Variants in GSK3B observed in about 807,000 individuals in gnomAD.
GSK3B encodes the protein glycogen synthase kinase-3 beta.
A neutral mutation model predicts 56.4 loss-of-function variants in GSK3B; 15 were observed. The ratio of observed to expected loss-of-function variants is 0.27; its 90% confidence interval spans 0.18 to 0.41. The LOEUF (loss-of-function observed/expected upper bound fraction) is 0.41. Ranked by LOEUF, GSK3B falls within the 10% of genes least tolerant of loss-of-function variation. The pLI is 1.00. For synonymous variants in GSK3B, 181 were observed against 188.9 expected, an observed-to-expected ratio of 0.96 and a Z score of 0.34; for missense variants, 300 against 513.4, an observed-to-expected ratio of 0.58 and a Z score of 4.02.
chr3:119,843,464 C>T (rs376726578), intron 9 of GSK3B, 111 bp from the exon 10 acceptor site: 20 of 497,118 alleles, frequency 4.0e-5, no homozygotes, highest in Middle Eastern at 5.7e-4. Flanking sequence ...CAGTTTATGC[C>T]GGGCGCAGTG....
At chr3:119,967,834 TTCTCTCTCTCTCTCTC>T (rs202156812) in intron 2 of GSK3B, among the ~76,000 whole-genome samples, 10 of 118,920 alleles carry the variant, frequency 8.4e-5, no homozygotes, top group African/African-American at 2.4e-4. Flanking sequence ...CTCTTTCTCT[TTCTCTCTCTCTCTCTC>T]TCTCTCTCTC....
At chr3:119,906,774 C>T (rs2056686713) in intron 6 of GSK3B, among the ~76,000 whole-genome samples, 1 of 152,046 alleles carries the variant, frequency 6.6e-6, no homozygotes, top group African/African-American at 2.4e-5. Context: ...TGAATCATTG[C>T]TGGACTTTAC....
intron 7 of GSK3B, among the ~76,000 whole-genome samples, chr3:119,876,847 G>C (rs1559818944): frequency 6.6e-6 from 1 of 152,126 alleles, no homozygotes; most frequent in African/African-American, 2.4e-5. Flanking sequence ...TCTCACTCTT[G>C]CCTTGTCTTG....
chr3:119,832,154 C>T (rs1173798110), intron 10 of GSK3B, among the ~76,000 whole-genome samples: 1 of 152,202 alleles, frequency 6.6e-6, no homozygotes, highest in East Asian at 1.9e-4. Flanking sequence ...TCTTGAATTA[C>T]TTAGTCTAGG....
At chr3:120,006,169 G>A (rs4688053) in intron 1 of GSK3B, among the ~76,000 whole-genome samples, 36,736 of 151,994 alleles carry the variant, frequency 0.24, 4,877 homozygotes, top group East Asian at 0.48. Flanking sequence ...AGACAAAGAG[G>A]GCCATTACAT....
At chr3:120,059,230 G>T (rs2107550642) in intron 1 of GSK3B, among the ~76,000 whole-genome samples, 1 of 152,122 alleles carries the variant, frequency 6.6e-6, no homozygotes, top group East Asian at 1.9e-4. Flanking sequence ...AAATTCCCCT[G>T]CCTTTTGGGA....
At chr3:119,880,202 G>C (rs1376488140) in intron 7 of GSK3B, among the ~76,000 whole-genome samples, 1 of 152,034 alleles carries the variant, frequency 6.6e-6, no homozygotes. Flanking sequence ...GTTTTGATTT[G>C]CATTTCTCTG....
At chr3:120,072,583 AAAT>A (rs1371334869) in intron 1 of GSK3B, among the ~76,000 whole-genome samples, 6 of 152,288 alleles carry the variant, frequency 3.9e-5, no homozygotes, top group South Asian at 2.1e-4. Flanking sequence ...AGTCTCAAAA[AAAT>A]AATAATAATA....
intron 7 of GSK3B, among the ~76,000 whole-genome samples, chr3:119,888,355 T>A (rs1464366463): frequency 6.6e-6 from 1 of 152,118 alleles, no homozygotes; most frequent in Non-Finnish European, 1.5e-5. Flanking sequence ...CAAATAATAC[T>A]CTTATAATTT....
intron 3 of GSK3B, among the ~76,000 whole-genome samples, chr3:119,936,523 T>G (rs1490728121): frequency 1.3e-5 from 2 of 151,008 alleles, no homozygotes; most frequent in African/African-American, 2.4e-5. Context: ...ATTTTTGTAT[T>G]TTTTAGTAGA....
chr3:119,901,870 T>A (rs2056628073), intron 7 of GSK3B, among the ~76,000 whole-genome samples: 1 of 152,214 alleles, frequency 6.6e-6, no homozygotes, highest in Admixed American at 6.5e-5. Flanking sequence ...TAAAGCTTAT[T>A]ATATGATTAT....
At chr3:119,977,182 C>T in intron 2 of GSK3B, among the ~76,000 whole-genome samples, 1 of 152,102 alleles carries the variant, frequency 6.6e-6, no homozygotes, top group East Asian at 1.9e-4. Flanking sequence ...TGTATTTAAC[C>T]TACCTAGGCT....
At chr3:119,863,702 A>G (rs528271741) in intron 8 of GSK3B, 97 bp from the exon 9 acceptor site, 5 of 748,128 alleles carry the variant, frequency 6.7e-6, no homozygotes, top group African/African-American at 5.3e-5. Context: ...CCATGTACAG[A>G]AACATGGTTG....
At chr3:120,047,543 T>A (rs1450711240) in intron 1 of GSK3B, among the ~76,000 whole-genome samples, 1 of 152,216 alleles carries the variant, frequency 6.6e-6, no homozygotes, top group Non-Finnish European at 1.5e-5. Context: ...TTATGATCTA[T>A]CCTCAAGCAA....
Position 119,912,762 on chromosome 3 carries a change from A to G in GSK3B, c.657T>C (p.Ser219=). The part of the protein sequence containing the change: ...RGEPNVSYIC[S]RYYRAPELIF... ...TCAACTCTGGTGCCCTATAGTACCG[A>G]GAACAGATATACGAAACATTGGGTT... is the stretch of plus-strand genomic sequence containing the variant. The change falls in exon 6 of 11, where the codon TCT becomes TCC. Residue 219 remains serine, a synonymous_variant. Coordinates refer to ENST00000264235, the MANE Select transcript of GSK3B (RefSeq NM_001146156.2). 6.2e-7 allele frequency: 1 copy of G among 1,604,916 alleles called. No homozygotes were observed. Among genetic ancestry groups the G allele is most frequent in the East Asian group, 2.2e-5 (1 of 44,826 alleles).
chr3:120,057,500 T>C (rs2058200736), intron 1 of GSK3B, among the ~76,000 whole-genome samples: 1 of 152,202 alleles, frequency 6.6e-6, no homozygotes, highest in Admixed American at 6.5e-5. Context: ...AATAATTAAA[T>C]GTCTAGCAAG....
At chr3:119,895,933 C>A (rs2056558145) in intron 7 of GSK3B, among the ~76,000 whole-genome samples, 1 of 151,860 alleles carries the variant, frequency 6.6e-6, no homozygotes, top group South Asian at 2.1e-4. Flanking sequence ...TTGAGATCAG[C>A]CTGGGCAACA....
intron 1 of GSK3B, among the ~76,000 whole-genome samples, chr3:120,050,330 GA>G (rs1248260442): frequency 6.6e-6 from 1 of 152,194 alleles, no homozygotes; most frequent in Non-Finnish European, 1.5e-5. Flanking sequence ...TTTTAATGCT[GA>G]AAAACAAACC....
chr3:119,833,128 C>A, intron 10 of GSK3B: 1 of 160,680 alleles, frequency 6.2e-6, no homozygotes, highest in Non-Finnish European at 1.1e-5. Flanking sequence ...TCCCCCCACC[C>A]CCCGCCCACA....
Sources: allele counts gnomAD v4.1 joint callset (sites outside exome capture counted in the v4.1 genomes callset), GRCh38; gene constraint gnomAD v4.1.1; transcripts MANE v1.5; gene names NCBI Gene and HGNC (gene_info 2026-07-23, HGNC 2026-07-21).